The following CFAP92 variants were observed in gnomAD, a reference collection of about 807,000 sequenced individuals.
CFAP92 encodes the protein uncharacterized protein CFAP92.
A neutral mutation model predicts 106.3 loss-of-function variants in CFAP92; 86 were observed. The ratio of observed to expected loss-of-function variants is 0.81; its 90% confidence interval spans 0.68 to 0.97. CFAP92 has a LOEUF of 0.97. Among genes scored for constraint, CFAP92 ranks in the 50% least tolerant of loss-of-function variants. The probability of loss-of-function intolerance (pLI) is 0.00; values close to 1 mark genes in which losing one functional copy is unlikely to be tolerated. For synonymous variants in CFAP92, 477 were observed against 506.4 expected, an observed-to-expected ratio of 0.94 and a Z score of 0.78; for missense variants, 1,204 against 1,283.8, an observed-to-expected ratio of 0.94 and a Z score of 0.95.
intron 7 of CFAP92, among the ~76,000 whole-genome samples, chr3:128,974,348 C>T (rs1943008264): frequency 6.6e-6 from 1 of 152,216 alleles, no homozygotes; most frequent in South Asian, 2.1e-4. Flanking sequence ...TTTCCCACCT[C>T]ACACTGGAAA....
intron 15 of CFAP92, chr3:128,910,635 T>C (rs1248831775): frequency 8.1e-7 from 1 of 1,239,736 alleles, no homozygotes; most frequent in African/African-American, 1.5e-5. Context: ...CCAGGCCTTG[T>C]GACCCCTGCC....
chr3:128,935,800 C>A (rs1938950536), intron 10 of CFAP92, among the ~76,000 whole-genome samples: 3 of 152,138 alleles, frequency 2.0e-5, no homozygotes, highest in Admixed American at 6.6e-5. Context: ...GCCCGGACAA[C>A]AGAGTGAGAC....
Position 128,938,186 on chromosome 3 carries a change from C to G in CFAP92, c.2259-2867G>C, listed in dbSNP as rs371884760. Among the ~76,000 whole-genome samples, 27 of 152,006 alleles carry G rather than the reference C, an allele frequency of 1.8e-4. No homozygotes were observed. The East Asian group carries it at 3.3e-3, about 18-fold the overall frequency. ...GGTCAAGGCTGCAGTGAATTGTGAT[C>G]GCACCACTGCACTCCAGCCTGGGTA... On this transcript the variant is annotated intron_variant, in intron 10 of 15. Coordinates refer to ENST00000645291, the MANE Select transcript of CFAP92 (RefSeq NM_001394090.1).
chr3:128,973,785 T>C (rs1942975248), intron 7 of CFAP92, among the ~76,000 whole-genome samples: 1 of 152,038 alleles, frequency 6.6e-6, no homozygotes, highest in South Asian at 2.1e-4. Flanking sequence ...CTCACATGTG[T>C]GCCCAGATGC....
exon 1 of CFAP92, chr3:129,002,581 T>C (rs1481599671): frequency 3.3e-6 from 2 of 602,980 alleles, no homozygotes; most frequent in Non-Finnish European, 5.1e-6. Flanking sequence ...TACCCCACTT[T>C]TCTGCTCCAC....
the CFAP92 span, among the ~76,000 whole-genome samples, chr3:129,021,367 A>G: frequency 1.4e-4 from 22 of 152,322 alleles, no homozygotes; most frequent in African/African-American, 5.1e-4. Flanking sequence ...GCATTTTCCA[A>G]GAGTTGCTCA....
chr3:128,953,471 C>T (rs1050267306), intron 9 of CFAP92, among the ~76,000 whole-genome samples: 4 of 151,866 alleles, frequency 2.6e-5, no homozygotes, highest in Admixed American at 6.6e-5. Context: ...GCCAAGATCA[C>T]GCCACTGCAC....
chr3:128,961,249 C>G (rs1366878768), intron 9 of CFAP92, among the ~76,000 whole-genome samples: 1 of 152,154 alleles, frequency 6.6e-6, no homozygotes, highest in Non-Finnish European at 1.5e-5. Context: ...CATTCTTTTA[C>G]ACATCAGTCC....
chr3:128,948,776 C>T (rs1178791001), intron 9 of CFAP92, among the ~76,000 whole-genome samples: 11 of 149,292 alleles, frequency 7.4e-5, no homozygotes, highest in South Asian at 2.1e-4. Flanking sequence ...GTGATCCGCC[C>T]GCCTTAGCCT....
intron 12 of CFAP92, among the ~76,000 whole-genome samples, chr3:128,917,184 G>C (rs1936888537): frequency 6.6e-6 from 1 of 152,232 alleles, no homozygotes; most frequent in South Asian, 2.1e-4. Context: ...ATGCCACATA[G>C]AGCAAGGATC....
intron 12 of CFAP92, among the ~76,000 whole-genome samples, chr3:128,927,447 G>A (rs61190599): frequency 1.9e-4 from 29 of 152,234 alleles, no homozygotes; most frequent in Admixed American, 6.5e-4. Flanking sequence ...AGGGCCGGGC[G>A]CGGTGGCTCA....
intron 9 of CFAP92, among the ~76,000 whole-genome samples, chr3:128,950,502 G>A (rs1220513661): frequency 6.6e-6 from 1 of 152,244 alleles, no homozygotes; most frequent in Non-Finnish European, 1.5e-5. Context: ...CATGAAGCAA[G>A]CTGGAAGTGC....
chr3:128,950,059 T>C (rs1396619444), intron 9 of CFAP92, among the ~76,000 whole-genome samples: 2 of 151,398 alleles, frequency 1.3e-5, no homozygotes, highest in African/African-American at 4.9e-5. Flanking sequence ...TGTAGAAAAA[T>C]TTGTTTTTTA....
At chr3:128,986,800 C>T (rs768915134) in intron 4 of CFAP92, among the ~76,000 whole-genome samples, 1 of 152,140 alleles carries the variant, frequency 6.6e-6, no homozygotes, top group South Asian at 2.1e-4. Context: ...TGAATTCTAC[C>T]GTCTGGCTTC....
chr3:128,912,733 C>A (rs1164802259), intron 15 of CFAP92: 1 of 933,914 alleles, frequency 1.1e-6, no homozygotes, highest in Non-Finnish European at 1.7e-6. Context: ...CCGTCTGCAC[C>A]TGAAGGGTTG....
chr3:128,949,112 T>C (rs1259658348), intron 9 of CFAP92, among the ~76,000 whole-genome samples: 2 of 152,184 alleles, frequency 1.3e-5, no homozygotes, highest in Non-Finnish European at 2.9e-5. Context: ...TCACTGCTGA[T>C]GAGAATGCAG....
chr3:128,980,404 G>A (rs1943457913), intron 4 of CFAP92, among the ~76,000 whole-genome samples: 1 of 149,360 alleles, frequency 6.7e-6, no homozygotes, highest in African/African-American at 2.5e-5. Flanking sequence ...ACTCATCTGA[G>A]CCTGTGGGTA....
chr3:128,959,377 A>G (rs1316941812), intron 9 of CFAP92, among the ~76,000 whole-genome samples: 1 of 152,212 alleles, frequency 6.6e-6, no homozygotes, highest in African/African-American at 2.4e-5. Flanking sequence ...CTAGAATTCT[A>G]TATGCAGCCA....
At chr3:128,968,085 T>C (rs1213094896) in intron 8 of CFAP92, 1 of 152,182 alleles carries the variant, frequency 6.6e-6, no homozygotes, top group Non-Finnish European at 1.5e-5. Context: ...AAACATGCGC[T>C]AATGTCATTT....
Sources: allele counts gnomAD v4.1 joint callset (sites outside exome capture counted in the v4.1 genomes callset), GRCh38; gene constraint gnomAD v4.1.1; transcripts MANE v1.5; gene names NCBI Gene and HGNC (gene_info 2026-07-23, HGNC 2026-07-21).